The following TBX21 variants were observed in gnomAD, a reference collection of about 807,000 sequenced individuals.
TBX21 encodes the protein T-box transcription factor TBX21.
In TBX21, 11 loss-of-function variants were observed where a neutral mutation model predicts 52.2. The ratio of observed to expected loss-of-function variants is 0.21; its 90% CI spans 0.13 to 0.35. The LOEUF (loss-of-function observed/expected upper bound fraction) is 0.35. TBX21 is among the 10% of genes least tolerant of loss of function. The probability of loss-of-function intolerance (pLI) is 1.00; values close to 1 mark genes in which losing one functional copy is unlikely to be tolerated. For synonymous variants in TBX21, 300 were observed against 316.1 expected (o/e 0.95, Z 0.54); for missense variants, 625 against 755.1 (o/e 0.83, Z 2.02).
At position 47,744,752 on chromosome 17, in the gene TBX21, T is replaced by C. The variant is rs148194826; in HGVS notation, c.994T>C (p.Tyr332His). The C allele has an allele frequency of 2.5e-6, 4 of 1,612,782 alleles. No homozygotes were observed. The African/African-American group carries it at 5.3e-5, about 22-fold the overall frequency. The change falls in exon 6 of 6, where the codon TAC becomes CAC. Residue 332 changes from tyrosine to histidine, a missense_variant. Tyr to His is a moderately conservative substitution (Grantham distance 83, BLOSUM62 2). Around this residue, in one of 4 missense-constraint regions of TBX21, gnomAD observed 261 missense variants for 275.1 expected, o/e 0.95. Coordinates refer to ENST00000177694, the MANE Select transcript of TBX21 (RefSeq NM_013351.2). ...TTGCCTTCTATTTTTTTCTAGCATG[T>C]ACACATCTGTTGACACCAGCATCCC... is the stretch of plus-strand genomic sequence containing the variant. The part of the protein sequence containing the change: ...KGFRENFESM[Y>H]TSVDTSIPSP...
At chr17:47,739,886 C>T (rs540209751) in intron 1 of TBX21, among the ~76,000 whole-genome samples, 35 of 150,940 alleles carry the variant, frequency 2.3e-4, no homozygotes, top group African/African-American at 8.5e-4. Flanking sequence ...GCCTGGGGGA[C>T]AGAGCGAGAC....
chr17:47,738,831 C>G (rs1319253301), intron 1 of TBX21, among the ~76,000 whole-genome samples: 1 of 152,066 alleles, frequency 6.6e-6, no homozygotes, highest in Non-Finnish European at 1.5e-5. Context: ...AAACTCCTGA[C>G]CTCAGGTGAT....
Position 47,733,890 on chromosome 17 carries a change from T to C in TBX21, c.436T>C (p.Leu146=). 1 of 1,613,502 alleles carries C rather than the reference T, an allele frequency of 6.2e-7. No individual in the cohort carries two copies. Among genetic ancestry groups the C allele is most frequent in the Admixed American group, 1.7e-5 (1 of 60,008 alleles). The change falls in exon 1 of 6, where the codon TTG becomes CTG. Residue 146 remains leucine (L), a synonymous_variant. Coordinates refer to ENST00000177694, the MANE Select transcript of TBX21 (RefSeq NM_013351.2). This position sits in a 1 kb window ranked among gnomAD's most constrained non-coding sequence, Gnocchi z 6.6. The part of the protein sequence containing the change: ...KLRVALNNHL[L]WSKFNQHQTE... ...GAGGGTCGCGCTCAACAACCACCTG[T>C]TGTGGTCCAAGTTTAATCAGCACCA...
chr17:47,736,153 C>T (rs1413023704), intron 1 of TBX21, among the ~76,000 whole-genome samples: 1 of 152,120 alleles, frequency 6.6e-6, no homozygotes, highest in Non-Finnish European at 1.5e-5. Flanking sequence ...GTTTTTTTGT[C>T]CCCCTTTTAG....
chr17:47,736,974 C>T (rs1175368585), intron 1 of TBX21, among the ~76,000 whole-genome samples: 1 of 152,192 alleles, frequency 6.6e-6, no homozygotes, highest in Admixed American at 6.5e-5. Flanking sequence ...GGATCTATCC[C>T]TCGGTATTGA....
At chr17:47,735,856 A>G (rs565982323) in intron 1 of TBX21, among the ~76,000 whole-genome samples, 2 of 152,298 alleles carry the variant, frequency 1.3e-5, no homozygotes, top group African/African-American at 4.8e-5. Context: ...TGTGGTCAGG[A>G]GGACTTCCCA....
intron 5 of TBX21, 37 bp downstream of exon 5, chr17:47,744,580 C>G: frequency 1.2e-6 from 2 of 1,613,236 alleles, no homozygotes; most frequent in Non-Finnish European, 1.7e-6. Flanking sequence ...TTTGGTCCCT[C>G]CTGAGACACA....
rs1361384108 is a variant in TBX21 at position 47,744,243 on chromosome 17, G to A, written c.817G>A (p.Val273Ile). 1.9e-5 allele frequency: 30 copies of A among 1,614,092 alleles called. No homozygotes were observed. Among genetic ancestry groups the A allele is most frequent in the East Asian group, 4.5e-5 (2 of 44,900 alleles). The change falls in exon 4 of 6, where the codon GTT (valine) becomes ATT (isoleucine). Residue 273 changes from valine (V) to isoleucine (I), a missense_variant. Physicochemically the swap from Val to Ile is conservative, Grantham distance 29. Around this residue, in one of 4 missense-constraint regions of TBX21, gnomAD observed 142 missense variants for 258.5 expected, o/e 0.55. Transcript: ENST00000177694. ...LHKYQPRLHI[V>I]EVNDGEPEAA... ...TAAGTACCAGCCCCGGCTGCATATC[G>A]TTGAGGTGAACGACGGAGAGCCAGA...
intron 1 of TBX21, among the ~76,000 whole-genome samples, chr17:47,740,462 A>G (rs1597984295): frequency 6.6e-6 from 1 of 152,242 alleles, no homozygotes; most frequent in South Asian, 2.1e-4. Context: ...GGCTGGGTGC[A>G]GTGGCCCATG....
At chr17:47,734,142 C>G (rs1047176476) in intron 1 of TBX21, among the ~76,000 whole-genome samples, 197 bp downstream of exon 1, 10 of 152,088 alleles carry the variant, frequency 6.6e-5, no homozygotes, top group African/African-American at 2.4e-4. Flanking sequence ...GGCTGTTGCA[C>G]CAACAGCCAG....
rs773084862 is a variant in TBX21, at chr17:47,733,724, C to A, written c.270C>A (p.Gly90=). ...RPQAAGFPGA[G]ESFPPPADAE... ...AGGCGGCCGGCTTCCCCGGCGCGGG[C>A]GAGTCCTTCCCGCCGCCCGCGGACG... The change falls in exon 1 of 6, where the codon GGC becomes GGA. Residue 90 remains glycine, a synonymous_variant. Coordinates refer to ENST00000177694, the MANE Select transcript of TBX21 (RefSeq NM_013351.2). The surrounding 1 kb of genome is among the most constrained non-coding windows in gnomAD (Gnocchi z 6.6). The A allele has an allele frequency of 2.8e-6, 4 of 1,436,060 alleles. No individual in the cohort carries two copies. The highest frequency in any genetic ancestry group is 2.4e-4 in the Middle Eastern group (1 of 4,216). The allele number at this position is 1,436,060 out of a possible 1,614,324, so 89.0% of individuals were successfully genotyped here. A position where few individuals can be genotyped will look rare whatever the true frequency, so the allele number is the denominator to read the frequency against.
At chr17:47,737,209 G>C (rs1161199640) in intron 1 of TBX21, among the ~76,000 whole-genome samples, 1 of 152,154 alleles carries the variant, frequency 6.6e-6, no homozygotes, top group Non-Finnish European at 1.5e-5. Context: ...GAGGGTTTCT[G>C]TGTGGCAGTG....
At chr17:47,734,727 A>T (rs1007264368) in intron 1 of TBX21, among the ~76,000 whole-genome samples, 8 of 151,794 alleles carry the variant, frequency 5.3e-5, no homozygotes, top group African/African-American at 1.9e-4. Flanking sequence ...CCAGGGGTCC[A>T]GCCTGGTAGC....
Position 47,742,835 on chromosome 17 carries a change from C to A in TBX21, c.646+71C>A. On this transcript the variant is annotated intron_variant, in intron 2 of 5. Transcript: ENST00000177694. This position sits in a 1 kb window ranked among gnomAD's most constrained non-coding sequence, Gnocchi z 4.4. Reference sequence around the variant, plus strand: ...GGCGCCCCCTGGTGGGCCCACCAAGCCCCTACCCCTAATTCCTAGACCTTT... The same window carrying A: ...GGCGCCCCCTGGTGGGCCCACCAAGACCCTACCCCTAATTCCTAGACCTTT... The A allele has an allele frequency of 6.7e-7, 1 of 1,497,068 alleles. No individual in the cohort carries two copies. The allele number at this position is 1,497,068 out of a possible 1,614,324, so 92.7% of individuals were successfully genotyped here. A position where few individuals can be genotyped will look rare whatever the true frequency, so the allele number is the denominator to read the frequency against.
chr17:47,736,522 G>T (rs1298869746), intron 1 of TBX21, among the ~76,000 whole-genome samples: 1 of 152,014 alleles, frequency 6.6e-6, no homozygotes, highest in African/African-American at 2.4e-5. Flanking sequence ...ATTCTGAGGG[G>T]CTCCATACGC....
intron 2 of TBX21, 45 bp from the exon 3 acceptor site, chr17:47,743,026 G>T (rs758547939): frequency 2.5e-6 from 4 of 1,609,648 alleles, no homozygotes; most frequent in African/African-American, 1.3e-5. Flanking sequence ...CATCACCAGG[G>T]TTCTGTCCCG....
rs528073212 is a variant in TBX21 at position 47,737,225 on chromosome 17, G to A, written c.491+3280G>A. ...AGGGTTTCTGTGTGGCAGTGTGTGT[G>A]TGTTGCGAATGTGTTGGCGAGTATA... is the stretch of plus-strand genomic sequence containing the variant. On this transcript the variant is annotated intron_variant, in intron 1 of 5. Transcript: ENST00000177694. Among the ~76,000 whole-genome samples, 6 of 152,300 alleles carry A rather than the reference G, an allele frequency of 3.9e-5. No homozygotes were observed. In the East Asian group the frequency reaches 1.2e-3, roughly 29 times the overall value.
rs772309900 is a variant in TBX21 at position 47,743,879 on chromosome 17, C to CAAA, written c.769-302_769-300dup. 7.4e-4 allele frequency among the ~76,000 whole-genome samples: 46 copies of CAAA among 62,084 alleles called. 1 individual carries two copies. The highest frequency in any genetic ancestry group is 1.1e-3 in the African/African-American group (17 of 15,448). The allele number at this position is 62,084 out of a possible 152,430, so 40.7% of individuals were successfully genotyped here. A position where few individuals can be genotyped will look rare whatever the true frequency, so the allele number is the denominator to read the frequency against. On this transcript the variant is annotated intron_variant, in intron 3 of 5. Transcript: ENST00000177694. ...TGGGTGACAGAGTGAGACTCCGTCT[C>CAAA]AAAAAAAAAAAAAAAAGAAAAAAGA...
Position 47,744,260 on chromosome 17 carries a change from A to G in TBX21, c.834A>G (p.Gly278=). The change falls in exon 4 of 6, where the codon GGA becomes GGG. Residue 278 remains glycine, a synonymous_variant. Transcript: ENST00000177694. ...PRLHIVEVND[G]EPEAACNASN... is the part of the protein sequence containing the mutation. ...TGCATATCGTTGAGGTGAACGACGG[A>G]GAGCCAGAGGCAGCCTGCAACGCTT... is the stretch of plus-strand genomic sequence containing the variant. 2 of 1,614,226 alleles carry G rather than the reference A, an allele frequency of 1.2e-6. No homozygotes were observed. The highest frequency in any genetic ancestry group is 1.7e-6 in the Non-Finnish European group (2 of 1,180,042).
Sources: gnomAD v4.1 joint callset for allele counts (sites outside exome capture counted in the v4.1 genomes callset) on GRCh38, gnomAD v4.1.1 for gene constraint, gnomAD v4.1.1 regional missense constraint, Gnocchi (gnomAD v3.1) non-coding constraint, MANE v1.5 for transcripts, NCBI Gene and HGNC (gene_info 2026-07-23, HGNC 2026-07-21) for gene names.